The following POU2F2 variants were observed in gnomAD, a reference collection of about 807,000 sequenced individuals.
POU2F2 encodes the protein POU domain, class 2, transcription factor 2.
Under a neutral mutation model 63.5 loss-of-function variants are expected in POU2F2, and 14 were observed. The observed-to-expected ratio is 0.22, with a 90% CI of 0.15 to 0.34. The LOEUF (loss-of-function observed/expected upper bound fraction) is 0.34. POU2F2 is among the 10% of genes least tolerant of loss of function. POU2F2 has a pLI of 1.00. For synonymous variants in POU2F2, 306 were observed against 348.6 expected, an observed-to-expected ratio of 0.88 and a Z score of 1.36; for missense variants, 607 against 815.2, an observed-to-expected ratio of 0.74 and a Z score of 3.11.
At chr19:42,109,829 C>T (rs1276436823) in intron 5 of POU2F2, among the ~76,000 whole-genome samples, 3 of 152,116 alleles carry the variant, frequency 2.0e-5, no homozygotes, top group Middle Eastern at 3.4e-3. Flanking sequence ...GTTTTCACCA[C>T]GAAGAAATGA....
intron 7 of POU2F2, among the ~76,000 whole-genome samples, chr19:42,098,720 C>T (rs2077016705): frequency 6.6e-6 from 1 of 152,202 alleles, no homozygotes; most frequent in Admixed American, 6.5e-5. Flanking sequence ...TCTAACTCTT[C>T]AGTCAGTCCT....
In POU2F2 at chr19:42,095,268, C is replaced by A. The variant is rs757969104; in HGVS notation, c.1197+18G>T. 3.7e-6 allele frequency: 6 copies of A among 1,606,732 alleles called. No homozygotes were observed. Among genetic ancestry groups the A allele is most frequent in the Middle Eastern group, 1.8e-4 (1 of 5,492 alleles). ...GGAGCTCTGTGGTCTCCCCACCCCCCAGGCGGGCTCTTGGTACCATATGGG... is the reference window on the plus strand; with the variant it reads ...GGAGCTCTGTGGTCTCCCCACCCCCAAGGCGGGCTCTTGGTACCATATGGG... On this transcript the variant is annotated intron_variant, in intron 11 of 14. Coordinates refer to ENST00000692977, the MANE Select transcript of POU2F2 (RefSeq NM_001394376.1). This position sits in a 1 kb window ranked among gnomAD's most constrained non-coding sequence, Gnocchi z 7.1.
intron 1 of POU2F2, among the ~76,000 whole-genome samples, chr19:42,173,381 A>G (rs2034808916): frequency 6.6e-6 from 1 of 152,074 alleles, no homozygotes; most frequent in African/African-American, 2.4e-5. Flanking sequence ...TCTACACATT[A>G]TGATTATGCA....
intron 1 of POU2F2, among the ~76,000 whole-genome samples, chr19:42,191,747 C>T (rs1266127456): frequency 1.3e-5 from 2 of 152,142 alleles, no homozygotes; most frequent in Non-Finnish European, 1.5e-5. Flanking sequence ...CAGTGAGGGG[C>T]TGTCAGATCT....
At position 42,092,087 on chromosome 19, in the gene POU2F2, C is replaced by T. The variant is rs1555890189; in HGVS notation, c.1448G>A (p.Gly483Asp). The T allele has an allele frequency of 6.3e-7, 1 of 1,591,982 alleles. No homozygotes were observed. Among genetic ancestry groups the T allele is most frequent in the Admixed American group, 1.8e-5 (1 of 56,476 alleles). ...CACTTACCCCGTGCTGGGGTTCAGG[C>T]CTGACAAGCCGATAGCCGAGTGGCT... is the stretch of plus-strand genomic sequence containing the variant. The part of the protein sequence containing the change: ...QGSHSAIGLS[G>D]LNPSTGSTMV... Residue 483 changes from glycine to aspartate, a missense_variant, in exon 13 of 15, where the codon GGC (glycine) becomes GAC (aspartate). Coordinates refer to ENST00000692977, the MANE Select transcript of POU2F2 (RefSeq NM_001394376.1). This position sits in a 1 kb window ranked among gnomAD's most constrained non-coding sequence, Gnocchi z 5.0.
rs2076711778 is a variant in POU2F2, at chr19:42,091,498, C to T, written c.1634G>A (p.Gly545Asp). 3 of 1,548,706 alleles carry T rather than the reference C, an allele frequency of 1.9e-6. No homozygotes were observed. The African/African-American group carries it at 4.1e-5, about 21-fold the overall frequency. Residue 545 changes from glycine to aspartate, a missense_variant, in exon 15 of 15, where the codon GGC becomes GAC. Gly to Asp is a moderately conservative substitution (Grantham distance 94). Transcript: ENST00000692977. ...CAAGAAGAGCGGCGAGGTCACCAGG[C>T]CAGGGCTCCCCGGGGCTGCACCGGC... ...GAAGAAPGSP[G>D]LVTSPLFLNH...
At chr19:42,118,105 T>C (rs189716569) in intron 4 of POU2F2, among the ~76,000 whole-genome samples, 12 of 152,246 alleles carry the variant, frequency 7.9e-5, no homozygotes, top group African/African-American at 2.6e-4. Context: ...TAAATTTTTC[T>C]GTAGAGACAG....
At chr19:42,126,995 C>T (rs1004654997) in intron 1 of POU2F2, among the ~76,000 whole-genome samples, 13 of 152,182 alleles carry the variant, frequency 8.5e-5, no homozygotes, top group Admixed American at 3.9e-4. Flanking sequence ...CGGCTCACTG[C>T]AGCCTCGACC....
chr19:42,099,358 T>C, intron 7 of POU2F2, 169 bp downstream of exon 7: 1 of 634,970 alleles, frequency 1.6e-6, no homozygotes, highest in Non-Finnish European at 2.8e-6. Flanking sequence ...AGGAAGAGGC[T>C]GACCCAGACA....
At chr19:42,170,873 T>G (rs1453012248) in intron 1 of POU2F2, among the ~76,000 whole-genome samples, 5 of 152,246 alleles carry the variant, frequency 3.3e-5, no homozygotes, top group Admixed American at 2.6e-4. Flanking sequence ...CCCAGCCAGC[T>G]TCAGCCAAAT....
In POU2F2 at chr19:42,153,138, C is replaced by T. The variant is rs1440348738; in HGVS notation, c.-9+7194G>A. On this transcript the variant is annotated intron_variant, in intron 2 of 6. Transcript: ENST00000524801. This position sits in a 1 kb window ranked among gnomAD's most constrained non-coding sequence, Gnocchi z 5.6. Reference sequence around the variant, plus strand: ...TTGGGGTGGGAAGCTTGTGCGGCTTCGGACAGGAGGTTCCAGCGAGAGGTC... The same window carrying T: ...TTGGGGTGGGAAGCTTGTGCGGCTTTGGACAGGAGGTTCCAGCGAGAGGTC... 6.6e-6 allele frequency among the ~76,000 whole-genome samples: 1 copy of T among 152,174 alleles called. No homozygotes were observed. The highest frequency in any genetic ancestry group is 1.5e-5 in the Non-Finnish European group (1 of 68,028).
intron 5 of POU2F2, among the ~76,000 whole-genome samples, chr19:42,106,043 C>CTT (rs1223508466): frequency 7.5e-6 from 1 of 132,714 alleles, no homozygotes; most frequent in Non-Finnish European, 1.6e-5. Flanking sequence ...TTCTTTCTTT[C>CTT]TTTCTTTCTT....
In POU2F2 at chr19:42,117,448, A is replaced by C. The variant is rs745474181; in HGVS notation, c.187-16T>G. On this transcript the variant is annotated splice_polypyrimidine_tract_variant and intron_variant, in intron 4 of 14. Transcript: ENST00000692977. This position sits in a 1 kb window ranked among gnomAD's most constrained non-coding sequence, Gnocchi z 4.4. ...GAATGCCCACCTGTGAACCAAAGAG[A>C]GGGCACGTGTGTGGCAATGGCAATC... 1.0e-6 allele frequency: 1 copy of C among 996,030 alleles called. No homozygotes were observed. The allele number at this position is 996,030 out of a possible 1,614,324, so 61.7% of individuals were successfully genotyped here. A position where few individuals can be genotyped will look rare whatever the true frequency, so the allele number is the denominator to read the frequency against.
upstream of POU2F2, among the ~76,000 whole-genome samples, chr19:42,176,805 C>CGCG (rs1275615615): frequency 3.3e-5 from 5 of 151,730 alleles, no homozygotes; most frequent in African/African-American, 9.6e-5. Flanking sequence ...GGGCCGGGGC[C>CGCG]GCGGCGGCGG....
At chr19:42,183,950 C>T (rs919135258) in intron 1 of POU2F2, among the ~76,000 whole-genome samples, 1 of 151,070 alleles carries the variant, frequency 6.6e-6, no homozygotes, top group South Asian at 2.1e-4. Flanking sequence ...CCCACCTGCA[C>T]CTGAAAAGGC....
chr19:42,184,847 T>C (rs190934103), intron 1 of POU2F2, among the ~76,000 whole-genome samples: 1 of 152,164 alleles, frequency 6.6e-6, no homozygotes, highest in East Asian at 1.9e-4. Flanking sequence ...TCCCTAAATT[T>C]GTCTCCAGTT....
chr19:42,178,044 A>G (rs1183702338), upstream of POU2F2, among the ~76,000 whole-genome samples: 1 of 152,062 alleles, frequency 6.6e-6, no homozygotes, highest in African/African-American at 2.4e-5. Flanking sequence ...ACCCAGAGAC[A>G]AAGAGGAAAA....
intron 5 of POU2F2, among the ~76,000 whole-genome samples, chr19:42,106,395 G>A (rs1310705226): frequency 6.6e-6 from 1 of 152,140 alleles, no homozygotes; most frequent in Non-Finnish European, 1.5e-5. Flanking sequence ...ACAGGTGTGA[G>A]CCACCATGTC....
At chr19:42,105,259 C>A (rs963787214) in intron 5 of POU2F2, among the ~76,000 whole-genome samples, 1 of 152,184 alleles carries the variant, frequency 6.6e-6, no homozygotes, top group Non-Finnish European at 1.5e-5. Context: ...CTGTGCTACA[C>A]GTCTCCCAAG....
Sources: gnomAD v4.1 joint callset for allele counts (sites outside exome capture counted in the v4.1 genomes callset) on GRCh38, gnomAD v4.1.1 for gene constraint, Gnocchi (gnomAD v3.1) non-coding constraint, MANE v1.5 for transcripts, NCBI Gene and HGNC (gene_info 2026-07-23, HGNC 2026-07-21) for gene names.